The following CCDC85A variants were observed in gnomAD, a reference collection of about 807,000 sequenced individuals.
CCDC85A encodes coiled-coil domain containing 85A, also known as coiled-coil domain-containing protein 85A.
A neutral mutation model predicts 50.2 loss-of-function variants in CCDC85A; 38 were observed. That is an observed-to-expected ratio of 0.76 (90% CI 0.58 to 0.99). The LOEUF (loss-of-function observed/expected upper bound fraction) is 0.99, where lower values mean the gene tolerates loss of function less well. Ranked by LOEUF, CCDC85A falls within the 50% of genes least tolerant of loss-of-function variation. The pLI is 0.00. For missense variants in CCDC85A, 820 were observed against 742.0 expected (o/e 1.11, Z -1.22); for synonymous variants, 366 against 301.4 (o/e 1.21, Z -2.22).
chr2:56,208,525 G>A lies in CCDC85A; in HGVS notation c.1240+15085G>A, dbSNP rs115779566. On this transcript the variant is annotated intron_variant, in intron 2 of 5. Coordinates refer to ENST00000407595, the MANE Select transcript of CCDC85A (RefSeq NM_001080433.2). ...TCATCTCCTGGAATCCTGTGTTGAT[G>A]TAAATCAAGAAGTGCCTGGTTTGGT... Among the ~76,000 whole-genome samples, 517 of 152,228 alleles carry A rather than the reference G, an allele frequency of 3.4e-3. 1 individual carries two copies. The highest frequency in any genetic ancestry group is 0.012 in the African/African-American group (491 of 41,552).
At chr2:56,326,174 C>G (rs1673462240) in intron 2 of CCDC85A, among the ~76,000 whole-genome samples, 3 of 152,064 alleles carry the variant, frequency 2.0e-5, no homozygotes, top group African/African-American at 7.2e-5. Flanking sequence ...GGGCACACCT[C>G]AGGTTAAGTC....
chr2:56,207,928 CTT>C (rs1441094028), intron 2 of CCDC85A, among the ~76,000 whole-genome samples: 1 of 152,132 alleles, frequency 6.6e-6, no homozygotes, highest in Non-Finnish European at 1.5e-5. Context: ...CTCTGGAACT[CTT>C]TGGACATAAT....
chr2:56,348,624 CA>C (rs1382347196), intron 3 of CCDC85A, among the ~76,000 whole-genome samples: 5 of 152,192 alleles, frequency 3.3e-5, no homozygotes, highest in African/African-American at 9.7e-5. Context: ...ACTGTTGCCA[CA>C]AGTGCTGAGA....
At chr2:56,298,539 A>G (rs1008665748) in intron 2 of CCDC85A, among the ~76,000 whole-genome samples, 2 of 152,182 alleles carry the variant, frequency 1.3e-5, no homozygotes, top group Non-Finnish European at 2.9e-5. Flanking sequence ...TTCTTAAGAA[A>G]AAACTTTCTG....
At chr2:56,185,835 C>T (rs1344703304) in intron 1 of CCDC85A, 1 of 152,406 alleles carries the variant, frequency 6.6e-6, no homozygotes, top group Non-Finnish European at 1.5e-5. Flanking sequence ...CCAGCTAGCG[C>T]TGGTGCCTCC....
chr2:56,227,756 A>G (rs77592384), intron 2 of CCDC85A, among the ~76,000 whole-genome samples: 5,735 of 151,760 alleles, frequency 0.038, 121 homozygotes, highest in South Asian at 0.1. Flanking sequence ...CTGTCTGTTT[A>G]TGGTGATTAT....
rs1366886098 is a variant in CCDC85A at position 56,184,648 on chromosome 2, G to C, written c.24G>C (p.Ala8=). ...CCATGTCGAAGGCGGCCGGAGGCGC[G>C]GCGGCGGCTGCGGCGGCGGCGGAAA... MSKAAGG[A]AAAAAAAESC... Residue 8 remains alanine, a synonymous_variant, in exon 1 of 6, where the codon GCG becomes GCC. Coordinates refer to ENST00000407595, the MANE Select transcript of CCDC85A (RefSeq NM_001080433.2). The C allele has an allele frequency of 4.9e-5, 70 of 1,439,090 alleles. 1 individual carries two copies. The highest frequency in any genetic ancestry group is 6.2e-5 in the Non-Finnish European group (69 of 1,109,350). 89.1% of individuals were successfully genotyped at this position (1,439,090 alleles called of 1,614,324 possible). A position where few individuals can be genotyped will look rare whatever the true frequency, so the allele number is the denominator to read the frequency against.
intron 2 of CCDC85A, among the ~76,000 whole-genome samples, chr2:56,307,423 C>G (rs1408618514): frequency 1.3e-5 from 2 of 152,218 alleles, no homozygotes; most frequent in East Asian, 3.9e-4. Context: ...AGGAGTAACA[C>G]TAGTGCCTAA....
In CCDC85A at chr2:56,268,310, A is replaced by C. The variant is rs72923460; in HGVS notation, c.1241-74569A>C. On this transcript the variant is annotated intron_variant, in intron 2 of 5. Coordinates refer to ENST00000407595, the MANE Select transcript of CCDC85A (RefSeq NM_001080433.2). ...TTGAAGGACCTTTCAAAGAAAAAAA[A>C]TGACAGGCCGGGCACAGTGGCTCAC... Among the ~76,000 whole-genome samples the C allele has an allele frequency of 1.6e-3, 242 of 152,286 alleles. 1 individual carries two copies. Among genetic ancestry groups the C allele is most frequent in the African/African-American group, 5.6e-3 (231 of 41,560 alleles).
chr2:56,191,478 G>C (rs990441436), intron 1 of CCDC85A, among the ~76,000 whole-genome samples: 8 of 152,178 alleles, frequency 5.3e-5, no homozygotes, highest in Admixed American at 2.6e-4. Context: ...TGACTTAAAG[G>C]ATTTTGCATT....
At chr2:56,375,774 C>T (rs762531773) in intron 4 of CCDC85A, 42 bp from the exon 5 acceptor site, 14 of 1,600,256 alleles carry the variant, frequency 8.7e-6, no homozygotes, top group Admixed American at 5.2e-5. Context: ...TAGTTATAAA[C>T]GACTTTTGTT....
At chr2:56,256,415 G>A (rs1288962992) in intron 2 of CCDC85A, among the ~76,000 whole-genome samples, 3 of 152,190 alleles carry the variant, frequency 2.0e-5, no homozygotes, top group African/African-American at 7.2e-5. Flanking sequence ...TGGGCACAAT[G>A]TGTCCTTGGT....
intron 2 of CCDC85A, among the ~76,000 whole-genome samples, chr2:56,249,327 C>G (rs1453330703): frequency 6.6e-6 from 1 of 152,244 alleles, no homozygotes; most frequent in Non-Finnish European, 1.5e-5. Context: ...TACTTTCTGT[C>G]TTTCTTTGCT....
At chr2:56,266,211 A>C (rs1349685842) in intron 2 of CCDC85A, among the ~76,000 whole-genome samples, 3 of 152,190 alleles carry the variant, frequency 2.0e-5, no homozygotes, top group Non-Finnish European at 2.9e-5. Context: ...TAGGATAAAT[A>C]GGTTATAGTG....
Position 56,385,572 on chromosome 2 carries a change from A to G in CCDC85A, c.*1217A>G, listed in dbSNP as rs1676785745. ...GCCTGTGACCGAATGCTACGTTTTT[A>G]TGGTAGTTTAAGATTATAAAAGTAG... is the stretch of plus-strand genomic sequence containing the variant. On this transcript the variant is annotated 3_prime_UTR_variant, in exon 6 of 6. Transcript: ENST00000407595. 6.6e-6 allele frequency: 1 copy of G among 151,302 alleles called. No individual in the cohort carries two copies. Among genetic ancestry groups the G allele is most frequent in the South Asian group, 2.1e-4 (1 of 4,834 alleles). 9.4% of individuals were successfully genotyped at this position (151,302 alleles called of 1,614,324 possible). A position where few individuals can be genotyped will look rare whatever the true frequency, so the allele number is the denominator to read the frequency against.
chr2:56,332,989 T>A (rs1013456330), intron 2 of CCDC85A, among the ~76,000 whole-genome samples: 1 of 152,216 alleles, frequency 6.6e-6, no homozygotes, highest in Non-Finnish European at 1.5e-5. Context: ...TTCAATAGAA[T>A]TTTATTGTGC....
At chr2:56,302,211 A>G (rs1225202548) in intron 2 of CCDC85A, among the ~76,000 whole-genome samples, 2 of 152,162 alleles carry the variant, frequency 1.3e-5, no homozygotes, top group African/African-American at 4.8e-5. Context: ...AGCTGAGATC[A>G]TGCCATTGCA....
At position 56,291,215 on chromosome 2, in the gene CCDC85A, G is replaced by C. The variant is rs903812598; in HGVS notation, c.1241-51664G>C. Among the ~76,000 whole-genome samples the C allele has an allele frequency of 2.0e-5, 3 of 152,290 alleles. No individual in the cohort carries two copies. In the East Asian group the frequency reaches 5.8e-4, roughly 29 times the overall value. On this transcript the variant is annotated intron_variant, in intron 2 of 5. Transcript: ENST00000407595. ...TTGATGTCTTAATCTTTGAGTAGAG[G>C]CTCAGTGACAAAAAGATGCATAGAT...
At chr2:56,246,293 A>G (rs1213796232) in intron 2 of CCDC85A, among the ~76,000 whole-genome samples, 1 of 152,214 alleles carries the variant, frequency 6.6e-6, no homozygotes, top group East Asian at 1.9e-4. Context: ...TTGCTTATCA[A>G]ATATGACTTG....
Sources: gnomAD v4.1 joint callset for allele counts (sites outside exome capture counted in the v4.1 genomes callset) on GRCh38, gnomAD v4.1.1 for gene constraint, MANE v1.5 for transcripts, NCBI Gene and HGNC (gene_info 2026-07-23, HGNC 2026-07-21) for gene names.